Variants in MYO3A observed in about 807,000 individuals in gnomAD.
MYO3A encodes myosin-IIIa.
Under a neutral mutation model 192.7 loss-of-function variants are expected in MYO3A, and 180 were observed. The ratio of observed to expected loss-of-function variants is 0.93; its 90% CI spans 0.83 to 1.06. The LOEUF is 1.06. Ranked by LOEUF, MYO3A falls within the 50% of genes least tolerant of loss-of-function variation. The pLI, the probability that MYO3A is intolerant of heterozygous loss-of-function variation, is 0.00. For missense variants in MYO3A, 1,896 were observed against 1,905.0 expected, an observed-to-expected ratio of 1.00 and a Z score of 0.09; for synonymous variants, 628 against 645.3, an observed-to-expected ratio of 0.97 and a Z score of 0.41.
chr10:25,987,300 G>C (rs57903144), intron 4 of MYO3A, among the ~76,000 whole-genome samples: 40 of 152,224 alleles, frequency 2.6e-4, no homozygotes, highest in African/African-American at 9.4e-4. Flanking sequence ...CATTGGCGTA[G>C]GCAAAGACTT....
Position 26,088,278 on chromosome 10 carries a change from A to G in MYO3A, c.1435A>G (p.Ile479Val), listed in dbSNP as rs1836468029. The G allele has an allele frequency of 1.2e-6, 2 of 1,613,708 alleles. No individual in the cohort carries two copies. Among genetic ancestry groups the G allele is most frequent in the Admixed American group, 1.7e-5 (1 of 60,010 alleles). Reference sequence around the variant, plus strand: ...AGAAGCCTTTGGCAATGCCTGCACTATTATAAATGACAATTCTAGCAGATT... The same window carrying G: ...AGAAGCCTTTGGCAATGCCTGCACTGTTATAAATGACAATTCTAGCAGATT... The part of the protein sequence containing the change: ...LVEAFGNACT[I>V]INDNSSRFGK... The change falls in exon 15 of 35, where the codon ATT (isoleucine) becomes GTT (valine). Residue 479 changes from isoleucine to valine, a missense_variant. Transcript: ENST00000642920.
intron 15 of MYO3A, among the ~76,000 whole-genome samples, chr10:26,091,681 T>C (rs1188867286): frequency 1.3e-5 from 2 of 152,248 alleles, no homozygotes; most frequent in Non-Finnish European, 2.9e-5. Flanking sequence ...TTACAGCCAT[T>C]ATCTCTTTTA....
intron 10 of MYO3A, among the ~76,000 whole-genome samples, chr10:26,031,120 A>T (rs1842784559): frequency 1.3e-5 from 2 of 152,246 alleles, no homozygotes; most frequent in South Asian, 4.1e-4. Context: ...ATGGGAATAG[A>T]TAAAAGTCAT....
intron 4 of MYO3A, among the ~76,000 whole-genome samples, chr10:25,989,090 C>T (rs1423335110): frequency 1.3e-5 from 2 of 151,574 alleles, no homozygotes; most frequent in Non-Finnish European, 2.9e-5. Context: ...CAGCTATGTG[C>T]CACTATGCCT....
chr10:26,179,089 ATTTTTTTTTTTTTTT>A (rs59025321), intron 31 of MYO3A, among the ~76,000 whole-genome samples: 2 of 66,140 alleles, frequency 3.0e-5, no homozygotes, highest in South Asian at 7.0e-4. Flanking sequence ...GCCCAGCCTA[ATTTTTTTTTTTTTTT>A]TTTTTTTTTT....
Position 26,174,573 on chromosome 10 carries a change from AATTT to A in MYO3A, c.4293+22_4293+25del. ...TTCAAAACAGGTATGTGAATAAATA[AATTT>A]ATTTACTAATAAAAGTCCCTGGGAA... is the stretch of plus-strand genomic sequence containing the variant. On this transcript the variant is annotated intron_variant, in intron 30 of 34. Transcript: ENST00000642920. 4.4e-6 allele frequency: 7 copies of A among 1,596,998 alleles called. No individual in the cohort carries two copies. The highest frequency in any genetic ancestry group is 5.1e-6 in the Non-Finnish European group (6 of 1,165,590).
At chr10:25,972,974 C>G (rs547258163) in intron 4 of MYO3A, among the ~76,000 whole-genome samples, 17 of 152,120 alleles carry the variant, frequency 1.1e-4, no homozygotes, top group African/African-American at 4.1e-4. Context: ...GACAGTTCTT[C>G]TTAGCTGTTT....
At chr10:26,012,680 C>G (rs12263293) in intron 6 of MYO3A, among the ~76,000 whole-genome samples, 14,266 of 152,050 alleles carry the variant, frequency 0.094, 1,177 homozygotes, top group African/African-American at 0.21. Context: ...GCAATCTACA[C>G]ATTCAATGCC....
chr10:26,048,995 A>G (rs1019946975), intron 10 of MYO3A, among the ~76,000 whole-genome samples: 1 of 152,164 alleles, frequency 6.6e-6, no homozygotes, highest in Non-Finnish European at 1.5e-5. Context: ...CCCTCAAGGG[A>G]GGAAGAGCAG....
At chr10:26,039,125 C>A (rs1459785688) in intron 10 of MYO3A, among the ~76,000 whole-genome samples, 3 of 151,852 alleles carry the variant, frequency 2.0e-5, no homozygotes, top group African/African-American at 7.3e-5. Flanking sequence ...ACCACAACCT[C>A]CGCCTCCTGG....
chr10:26,154,706 A>G (rs1200355533), intron 24 of MYO3A, 40 bp from the exon 25 acceptor site: 4 of 1,569,760 alleles, frequency 2.5e-6, no homozygotes, highest in Middle Eastern at 1.7e-4. Context: ...ATAAAGTACA[A>G]TAGATACCAA....
intron 14 of MYO3A, among the ~76,000 whole-genome samples, chr10:26,074,822 T>C (rs1835432456): frequency 6.6e-6 from 1 of 151,982 alleles, no homozygotes; most frequent in Non-Finnish European, 1.5e-5. Flanking sequence ...CCAATGCCAA[T>C]GTCCAGAAGC....
chr10:26,090,179 T>G lies in MYO3A; in HGVS notation c.1562+1774T>G, dbSNP rs117673911. Among the ~76,000 whole-genome samples the G allele has an allele frequency of 1.1e-4, 16 of 152,344 alleles. No individual in the cohort carries two copies. In the Middle Eastern group the frequency reaches 0.01, roughly 97 times the overall value. On this transcript the variant is annotated intron_variant, in intron 15 of 34. Coordinates refer to ENST00000642920, the MANE Select transcript of MYO3A (RefSeq NM_017433.5). Reference sequence around the variant, plus strand: ...TCAGGAAGAACTACTTAAGAGTAACTAATTGGTAGATGGCACCACCATGTT... The same window carrying G: ...TCAGGAAGAACTACTTAAGAGTAACGAATTGGTAGATGGCACCACCATGTT...
chr10:26,096,256 A>C, intron 15 of MYO3A, 125 bp from the exon 16 acceptor site: 1 of 705,906 alleles, frequency 1.4e-6, no homozygotes, highest in Non-Finnish European at 2.4e-6. Context: ...CAGAAAGCCA[A>C]AATGCAGTAT....
chr10:25,990,930 G>C (rs564965119), intron 4 of MYO3A, among the ~76,000 whole-genome samples: 64 of 152,166 alleles, frequency 4.2e-4, no homozygotes, highest in African/African-American at 1.5e-3. Context: ...CATTTGGGTT[G>C]GTTCCAAGTC....
chr10:25,953,856 CTCT>C (rs1325954713), intron 3 of MYO3A, among the ~76,000 whole-genome samples: 10 of 152,148 alleles, frequency 6.6e-5, no homozygotes, highest in Non-Finnish European at 1.0e-4. Context: ...TATTTATTTA[CTCT>C]TCATCATGTC....
intron 23 of MYO3A, among the ~76,000 whole-genome samples, chr10:26,148,604 A>T (rs1054884415): frequency 6.6e-6 from 1 of 152,344 alleles, no homozygotes; most frequent in Non-Finnish European, 1.5e-5. Flanking sequence ...GTATCTTCCC[A>T]ACATTAAATC....
chr10:26,202,104 T>C (rs1280733418), intron 33 of MYO3A, among the ~76,000 whole-genome samples: 3 of 152,252 alleles, frequency 2.0e-5, no homozygotes, highest in African/African-American at 7.2e-5. Context: ...TATTTCCCAC[T>C]GATATTTTAC....
intron 19 of MYO3A, among the ~76,000 whole-genome samples, chr10:26,126,139 G>GTAA (rs899956150): frequency 5.9e-5 from 9 of 152,150 alleles, no homozygotes; most frequent in Non-Finnish European, 1.0e-4. Context: ...GGGCCATGAT[G>GTAA]TAAGCATTGT....
Sources: allele counts gnomAD v4.1 joint callset (sites outside exome capture counted in the v4.1 genomes callset), GRCh38; gene constraint gnomAD v4.1.1; transcripts MANE v1.5; gene names NCBI Gene and HGNC (gene_info 2026-07-23, HGNC 2026-07-21).